ACER3: variants seen among roughly 807,000 people sequenced by gnomAD.
ACER3 encodes the protein alkCDase 3.
ACER3 carries 16 observed loss-of-function variants against 48.9 expected under a neutral mutation model. The observed-to-expected ratio is 0.33, with a 90% CI of 0.22 to 0.50. ACER3 has a LOEUF of 0.50. Ranked by LOEUF, ACER3 falls within the 20% of genes least tolerant of loss-of-function variation. ACER3 has a pLI of 0.98. For missense variants in ACER3, 227 were observed against 326.0 expected (o/e 0.70, Z 2.34); for synonymous variants, 109 against 107.8 (o/e 1.01, Z -0.07).
intron 1 of ACER3, among the ~76,000 whole-genome samples, chr11:76,879,730 T>G (rs890630711): frequency 3.3e-5 from 5 of 152,234 alleles, no homozygotes; most frequent in African/African-American, 1.2e-4. Flanking sequence ...GCTTTTTGAA[T>G]GTTGGATAAA....
At chr11:77,019,996 T>C (rs1219745815) in intron 10 of ACER3, among the ~76,000 whole-genome samples, 1 of 152,168 alleles carries the variant, frequency 6.6e-6, no homozygotes, top group Non-Finnish European at 1.5e-5. Context: ...AATAACTACA[T>C]TGCAGAGTTA....
chr11:76,879,188 T>A (rs1945463300), intron 1 of ACER3, among the ~76,000 whole-genome samples: 1 of 152,172 alleles, frequency 6.6e-6, no homozygotes, highest in African/African-American at 2.4e-5. Context: ...GCTTTTTCTC[T>A]TATGGTTATT....
At chr11:76,938,040 G>A (rs562054366) in intron 2 of ACER3, among the ~76,000 whole-genome samples, 1 of 152,208 alleles carries the variant, frequency 6.6e-6, no homozygotes, top group African/African-American at 2.4e-5. Flanking sequence ...TTTGAGACAG[G>A]TTCTCACTCT....
chr11:76,992,128 C>G (rs770031316), intron 6 of ACER3, among the ~76,000 whole-genome samples: 1 of 136,460 alleles, frequency 7.3e-6, no homozygotes, highest in Non-Finnish European at 1.5e-5. Context: ...AGGAGGATCC[C>G]TTGAGCCCAG....
chr11:76,905,582 T>C (rs1225101481), intron 1 of ACER3, among the ~76,000 whole-genome samples: 1 of 152,206 alleles, frequency 6.6e-6, no homozygotes, highest in Non-Finnish European at 1.5e-5. Flanking sequence ...ATATAAAGCA[T>C]GAAACAAGAC....
chr11:76,987,614 A>G (rs1031382929), intron 5 of ACER3, among the ~76,000 whole-genome samples: 10 of 152,144 alleles, frequency 6.6e-5, no homozygotes, highest in African/African-American at 2.4e-4. Context: ...ATGAGAATAG[A>G]TGACCTGAAA....
intron 1 of ACER3, among the ~76,000 whole-genome samples, chr11:76,895,767 T>C (rs1412549340): frequency 2.0e-5 from 3 of 152,216 alleles, no homozygotes; most frequent in African/African-American, 7.2e-5. Flanking sequence ...TTTTTTAATA[T>C]TCACGAAAGA....
chr11:76,991,719 G>T (rs1948806438), intron 6 of ACER3, among the ~76,000 whole-genome samples: 1 of 151,222 alleles, frequency 6.6e-6, no homozygotes, highest in Admixed American at 6.6e-5. Flanking sequence ...GGGAGGCTGA[G>T]GCAGGAGAAT....
At chr11:76,958,479 G>C (rs565841989) in intron 2 of ACER3, among the ~76,000 whole-genome samples, 57 of 152,276 alleles carry the variant, frequency 3.7e-4, no homozygotes, top group African/African-American at 1.4e-3. Context: ...GAGCCACTGT[G>C]TCCGGCCAGC....
intron 1 of ACER3, among the ~76,000 whole-genome samples, chr11:76,922,010 T>C (rs1275303695): frequency 6.6e-6 from 1 of 152,196 alleles, no homozygotes; most frequent in Non-Finnish European, 1.5e-5. Context: ...AATGAGAAGC[T>C]GAATTAAAGC....
At chr11:76,926,505 T>A (rs1590940297) in intron 1 of ACER3, 52 bp from the exon 2 acceptor site, 2 of 1,081,320 alleles carry the variant, frequency 1.8e-6, no homozygotes, top group East Asian at 5.0e-5. Flanking sequence ...TGTATCTTTA[T>A]TTAAAGTGTT....
chr11:77,020,476 G>T lies in ACER3; in HGVS notation c.*149G>T. On this transcript the variant is annotated 3_prime_UTR_variant, in exon 11 of 11. Transcript: ENST00000532485. ...TGACTAATGCTGCCACCCACACAGAGAATAAGGAGTAGGGCCTGCTGGGTG... is the reference window on the plus strand; with the variant it reads ...TGACTAATGCTGCCACCCACACAGATAATAAGGAGTAGGGCCTGCTGGGTG... 1.2e-6 allele frequency: 1 copy of T among 821,234 alleles called. No homozygotes were observed. The highest frequency in any genetic ancestry group is 2.8e-5 in the East Asian group (1 of 36,190). 50.9% of individuals were successfully genotyped at this position (821,234 alleles called of 1,614,324 possible).
intron 5 of ACER3, 67 bp from the exon 6 acceptor site, chr11:76,990,472 T>C (rs574096235): frequency 1.4e-5 from 16 of 1,109,704 alleles, no homozygotes; most frequent in East Asian, 7.2e-5. Context: ...TGCAGAGTAA[T>C]TGGAGTCGGT....
intron 1 of ACER3, among the ~76,000 whole-genome samples, chr11:76,920,860 A>C (rs1254077489): frequency 4.6e-5 from 7 of 152,022 alleles, no homozygotes; most frequent in African/African-American, 1.7e-4. Flanking sequence ...GCTGGTGTCG[A>C]ACTCCTGGGC....
At chr11:76,929,176 C>T (rs974221628) in intron 2 of ACER3, among the ~76,000 whole-genome samples, 10 of 152,138 alleles carry the variant, frequency 6.6e-5, no homozygotes, top group African/African-American at 2.4e-4. Flanking sequence ...ACGTCCTTCA[C>T]ATCCCTTGTA....
At chr11:77,014,088 G>T (rs1949319922) in intron 7 of ACER3, among the ~76,000 whole-genome samples, 1 of 152,196 alleles carries the variant, frequency 6.6e-6, no homozygotes, top group African/African-American at 2.4e-5. Context: ...GTACTGATCA[G>T]ATAGACAATT....
chr11:77,005,415 C>T (rs770932616), intron 7 of ACER3, among the ~76,000 whole-genome samples: 1 of 152,094 alleles, frequency 6.6e-6, no homozygotes, highest in Non-Finnish European at 1.5e-5. Context: ...CAGTAAACTA[C>T]AGAAAACTTA....
chr11:76,983,436 C>G (rs1024352917), intron 4 of ACER3, among the ~76,000 whole-genome samples: 2 of 152,108 alleles, frequency 1.3e-5, no homozygotes, highest in Non-Finnish European at 2.9e-5. Context: ...CCTACTTAGC[C>G]TCTCAAGTAG....
intron 1 of ACER3, among the ~76,000 whole-genome samples, chr11:76,909,280 A>T (rs1946309608): frequency 6.6e-6 from 1 of 152,230 alleles, no homozygotes; most frequent in African/African-American, 2.4e-5. Context: ...ATGGGATCTA[A>T]TTAAACTAAA....
Sources: gnomAD v4.1 joint callset for allele counts (sites outside exome capture counted in the v4.1 genomes callset) on GRCh38, gnomAD v4.1.1 for gene constraint, MANE v1.5 for transcripts, NCBI Gene and HGNC (gene_info 2026-07-23, HGNC 2026-07-21) for gene names.